TMEM108: variants seen among roughly 807,000 people sequenced by gnomAD.
TMEM108 encodes the protein cancer/testis antigen 124.
Under a neutral mutation model 35.1 loss-of-function variants are expected in TMEM108, and 12 were observed. That is an observed-to-expected ratio of 0.34 (90% CI 0.22 to 0.55). The LOEUF (loss-of-function observed/expected upper bound fraction) is 0.55, where lower values mean the gene tolerates loss of function less well. Ranked by LOEUF, TMEM108 falls within the 20% of genes least tolerant of loss-of-function variation. The pLI is 0.89. For missense variants in TMEM108, 680 were observed against 753.3 expected (o/e 0.90, Z 1.14); for synonymous variants, 287 against 308.6 (o/e 0.93, Z 0.73).
chr3:133,222,124 CTT>C (rs1016210994), intron 2 of TMEM108, among the ~76,000 whole-genome samples: 1 of 152,132 alleles, frequency 6.6e-6, no homozygotes, highest in Non-Finnish European at 1.5e-5. Context: ...ACTCCTTCAG[CTT>C]TTGTTTGCCT....
rs1183383568 is a variant in TMEM108, at chr3:133,390,340, G to A, written c.1605+6G>A. ...AGTCCCTTGAAACCTCTGAGGTAAT[G>A]AGCTTGAAAGTGCTGGCCCCACTGC... is the stretch of plus-strand genomic sequence containing the variant. On this transcript the variant is annotated splice_donor_region_variant and intron_variant, in intron 5 of 5. Coordinates refer to ENST00000321871, the MANE Select transcript of TMEM108 (RefSeq NM_023943.4). 2 of 1,613,860 alleles carry A rather than the reference G, an allele frequency of 1.2e-6. No homozygotes were observed. Among genetic ancestry groups the A allele is most frequent in the South Asian group, 2.2e-5 (2 of 91,036 alleles).
chr3:133,206,104 C>G (rs1226153222), intron 2 of TMEM108, among the ~76,000 whole-genome samples: 2 of 152,154 alleles, frequency 1.3e-5, no homozygotes. Flanking sequence ...ATTGATACTT[C>G]TGTATGCATC....
At chr3:133,308,728 AT>A in intron 3 of TMEM108, among the ~76,000 whole-genome samples, 1 of 152,314 alleles carries the variant, frequency 6.6e-6, no homozygotes, top group African/African-American at 2.4e-5. Flanking sequence ...ATCGTGGTGG[AT>A]AAGCTTTTCG....
At chr3:133,125,903 T>G (rs1409622964) in intron 2 of TMEM108, among the ~76,000 whole-genome samples, 19 of 152,198 alleles carry the variant, frequency 1.2e-4, no homozygotes, top group Admixed American at 1.2e-3. Context: ...TGAATTATAG[T>G]CACTGTTTTA....
chr3:133,371,664 C>T (rs2072681384), intron 3 of TMEM108, among the ~76,000 whole-genome samples: 1 of 112,462 alleles, frequency 8.9e-6, no homozygotes, highest in South Asian at 3.0e-4. Flanking sequence ...AAGGAAGGAA[C>T]ATAGACCTTA....
intron 2 of TMEM108, among the ~76,000 whole-genome samples, chr3:133,152,900 A>C (rs1316246215): frequency 2.6e-5 from 4 of 152,132 alleles, no homozygotes; most frequent in African/African-American, 7.2e-5. Flanking sequence ...CTGGTGAGCA[A>C]AATAGAGCTA....
chr3:133,088,711 A>T (rs536820030), intron 2 of TMEM108, among the ~76,000 whole-genome samples: 1 of 152,330 alleles, frequency 6.6e-6, no homozygotes, highest in South Asian at 2.1e-4. Flanking sequence ...GATAATAGAC[A>T]TTTGAATCGC....
chr3:133,105,966 C>T (rs992953036), intron 2 of TMEM108, among the ~76,000 whole-genome samples: 2 of 152,046 alleles, frequency 1.3e-5, no homozygotes, highest in African/African-American at 2.4e-5. Context: ...TCTAAAGGCA[C>T]GACAGTTCAG....
At chr3:133,348,330 A>G (rs1513361) in intron 3 of TMEM108, among the ~76,000 whole-genome samples, 51,689 of 152,012 alleles carry the variant, frequency 0.34, 9,146 homozygotes, top group East Asian at 0.48. Context: ...AAATGGTATT[A>G]GGAGAATTAA....
At chr3:133,184,455 A>G (rs1193143905) in intron 2 of TMEM108, among the ~76,000 whole-genome samples, 2 of 152,194 alleles carry the variant, frequency 1.3e-5, no homozygotes, top group East Asian at 3.8e-4. Context: ...TTTACTGGGC[A>G]AAGAACTCTT....
At chr3:133,051,867 T>C (rs73003642) in intron 2 of TMEM108, among the ~76,000 whole-genome samples, 2,782 of 152,288 alleles carry the variant, frequency 0.018, 94 homozygotes, top group African/African-American at 0.063. Context: ...AGGTCTGTTA[T>C]TTTATCAATA....
rs1005911076 is a variant in TMEM108, at chr3:133,076,320, G to A, written c.-47+30300G>A. ...CAGTTTAACATTCTGCTTGCACTTCGAGGAGTCAAGGATGCCACTGCCTCA... is the reference window on the plus strand; with the variant it reads ...CAGTTTAACATTCTGCTTGCACTTCAAGGAGTCAAGGATGCCACTGCCTCA... On this transcript the variant is annotated intron_variant, in intron 2 of 5. Transcript: ENST00000321871. Among the ~76,000 whole-genome samples the A allele has an allele frequency of 3.3e-5, 5 of 150,990 alleles. No individual in the cohort carries two copies. The East Asian group carries it at 9.7e-4, about 29-fold the overall frequency.
At chr3:133,268,851 G>A (rs555043839) in intron 3 of TMEM108, among the ~76,000 whole-genome samples, 2 of 152,334 alleles carry the variant, frequency 1.3e-5, no homozygotes, top group South Asian at 2.1e-4. Flanking sequence ...AAAGCTACAA[G>A]ATAATGCACA....
intron 2 of TMEM108, among the ~76,000 whole-genome samples, chr3:133,078,140 A>ACTGTGTGTGTGTGTGTGTGTGTGTGTGT (rs1553730615): frequency 9.4e-6 from 1 of 106,224 alleles, no homozygotes; most frequent in Non-Finnish European, 1.9e-5. Flanking sequence ...TATGGAGCTC[A>ACTGTGTGTGTGTGTGTGTGTGTGTGTGT]GTGTGTGTGT....
intron 2 of TMEM108, among the ~76,000 whole-genome samples, chr3:133,158,026 C>T (rs1157862152): frequency 6.6e-6 from 1 of 152,166 alleles, no homozygotes; most frequent in Non-Finnish European, 1.5e-5. Flanking sequence ...AGGTACTAGA[C>T]AAGTGGGTTA....
chr3:133,340,447 TCTC>T (rs1263732760), intron 3 of TMEM108, among the ~76,000 whole-genome samples: 1 of 151,426 alleles, frequency 6.6e-6, no homozygotes, highest in African/African-American at 2.4e-5. Flanking sequence ...TAGTAACAGT[TCTC>T]CTAGCAAAGA....
chr3:133,343,918 G>A (rs1193395156), intron 3 of TMEM108, among the ~76,000 whole-genome samples: 1 of 151,762 alleles, frequency 6.6e-6, no homozygotes, highest in East Asian at 1.9e-4. Flanking sequence ...AACAACATAC[G>A]TTTAAACTGC....
chr3:133,208,058 T>C (rs1945784362), intron 2 of TMEM108, among the ~76,000 whole-genome samples: 1 of 152,210 alleles, frequency 6.6e-6, no homozygotes, highest in Admixed American at 6.5e-5. Flanking sequence ...GTCACAGTTG[T>C]ACAGTAAAAC....
chr3:133,109,365 C>T lies in TMEM108; in HGVS notation c.-47+63345C>T, dbSNP rs545484697. ...AGGTACTGCCAGGCATAGTGGCTCA[C>T]GCCTGTAATCCCAGCACTCAGGGAG... On this transcript the variant is annotated intron_variant, in intron 2 of 5. Coordinates refer to ENST00000321871, the MANE Select transcript of TMEM108 (RefSeq NM_023943.4). Among the ~76,000 whole-genome samples the T allele has an allele frequency of 2.1e-3, 319 of 152,128 alleles. 1 individual carries two copies. The highest frequency in any genetic ancestry group is 6.8e-3 in the African/African-American group (281 of 41,492).
Sources: allele counts gnomAD v4.1 joint callset (sites outside exome capture counted in the v4.1 genomes callset), GRCh38; gene constraint gnomAD v4.1.1; transcripts MANE v1.5; gene names NCBI Gene and HGNC (gene_info 2026-07-23, HGNC 2026-07-21).